The following TAF4 variants were observed in gnomAD, a reference collection of about 807,000 sequenced individuals.
TAF4 encodes TATA-box binding protein associated factor 4.
A neutral mutation model predicts 90.3 loss-of-function variants in TAF4; 9 were observed. The observed-to-expected ratio is 0.10, with a 90% CI of 0.06 to 0.17. TAF4 has a LOEUF of 0.17. TAF4 is among the 10% of genes least tolerant of loss of function. The pLI is 1.00. For missense variants in TAF4, 1,351 were observed against 1,370.7 expected (o/e 0.99, Z 0.23); for synonymous variants, 818 against 638.9 (o/e 1.28, Z -4.23).
At chr20:62,025,213 G>C (rs951108904) in intron 1 of TAF4, among the ~76,000 whole-genome samples, 3 of 152,150 alleles carry the variant, frequency 2.0e-5, no homozygotes, top group Non-Finnish European at 4.4e-5. Flanking sequence ...GCCTTACAAA[G>C]GCTTGTACCT....
chr20:62,025,404 C>T (rs1433510294), intron 1 of TAF4, among the ~76,000 whole-genome samples: 1 of 152,158 alleles, frequency 6.6e-6, no homozygotes, highest in Non-Finnish European at 1.5e-5. Context: ...GAGTTGAAGC[C>T]AGAAAAGAGA....
At chr20:62,056,863 CTTACAG>C (rs1373047661) in intron 1 of TAF4, among the ~76,000 whole-genome samples, 1 of 152,302 alleles carries the variant, frequency 6.6e-6, no homozygotes, top group South Asian at 2.1e-4. Context: ...ATTTTTTACA[CTTACAG>C]TTACATAAAA....
At chr20:62,040,747 C>A (rs370692928) in intron 1 of TAF4, among the ~76,000 whole-genome samples, 2 of 152,222 alleles carry the variant, frequency 1.3e-5, no homozygotes, top group African/African-American at 4.8e-5. Flanking sequence ...AAACTAAATT[C>A]GCAGAGCCGC....
At chr20:62,050,017 C>T (rs866028170) in intron 1 of TAF4, among the ~76,000 whole-genome samples, 4 of 152,166 alleles carry the variant, frequency 2.6e-5, no homozygotes, top group African/African-American at 7.2e-5. Flanking sequence ...CAGCCTCACC[C>T]GCTCACCCCA....
upstream of TAF4, chr20:62,065,881 T>TGGGGCGGGCGC (rs1265181419): frequency 3.9e-6 from 4 of 1,038,242 alleles, no homozygotes; most frequent in Non-Finnish European, 2.3e-6. Flanking sequence ...AGGTTCCGAC[T>TGGGGCGGGCGC]GGGGCGGGCG....
intron 1 of TAF4, among the ~76,000 whole-genome samples, chr20:62,016,610 C>A (rs1454766701): frequency 6.6e-6 from 1 of 152,206 alleles, no homozygotes; most frequent in South Asian, 2.1e-4. Context: ...GCACTGTCGG[C>A]TTCCCTACTT....
At chr20:62,044,862 A>G (rs1850032434) in intron 1 of TAF4, among the ~76,000 whole-genome samples, 1 of 152,224 alleles carries the variant, frequency 6.6e-6, no homozygotes, top group Admixed American at 6.5e-5. Flanking sequence ...GGGAAGAGAC[A>G]GGCCTGGGAC....
Position 61,997,666 on chromosome 20 carries a change from G to T in TAF4, c.2974C>A (p.Gln992Lys). The T allele has an allele frequency of 6.2e-7, 1 of 1,609,878 alleles. No homozygotes were observed. Among genetic ancestry groups the T allele is most frequent in the Non-Finnish European group, 8.5e-7 (1 of 1,178,696 alleles). Residue 992 changes from glutamine to lysine, a missense_variant, in exon 14 of 15, where the codon CAG (glutamine) becomes AAG (lysine). This residue lies in a region of TAF4 where 18 missense variants were observed against 60.0 expected (regional missense o/e 0.30). Transcript: ENST00000252996. Reference protein sequence around the residue: ...LRLKQKAKEMQQQELAQMRQR... With the variant: ...LRLKQKAKEMKQQELAQMRQR... ...CTCATTTGTGCCAGTTCCTGTTGCT[G>T]CATCTTTTATTTTGAAAAGGAGACA...
rs1189964548 is a variant in TAF4 at position 62,012,910 on chromosome 20, G to A, written c.1546C>T (p.Arg516Trp). 6.2e-7 allele frequency: 1 copy of A among 1,614,080 alleles called. No individual in the cohort carries two copies. Among genetic ancestry groups the A allele is most frequent in the East Asian group, 2.2e-5 (1 of 44,866 alleles). ...ATTATGGTAGTTGGGGTCACCTGCCGTGCAATGATAGGTGTTCCAGGTGCC... is the reference window on the plus strand; with the variant it reads ...ATTATGGTAGTTGGGGTCACCTGCCATGCAATGATAGGTGTTCCAGGTGCC... ...VQAPGTPIIA[R>W]QVTPTTIIKQ... Residue 516 changes from arginine to tryptophan, a missense_variant, in exon 3 of 15, where the codon CGG (arginine) becomes TGG (tryptophan). Arg to Trp is a moderately radical substitution (Grantham distance 101). Transcript: ENST00000252996.
intron 1 of TAF4, among the ~76,000 whole-genome samples, chr20:62,041,810 T>C (rs1008121279): frequency 6.0e-5 from 9 of 149,140 alleles, no homozygotes; most frequent in African/African-American, 2.0e-4. Context: ...ACAGTGGCTG[T>C]AGTTGCAGCT....
chr20:61,983,554 T>C (rs1380528806), intron 14 of TAF4, among the ~76,000 whole-genome samples: 2 of 152,126 alleles, frequency 1.3e-5, no homozygotes, highest in South Asian at 2.1e-4. Context: ...CCCAGGCTAC[T>C]GGGGCGGCTG....
Position 62,006,662 on chromosome 20 carries a change from T to TGGTGGCCTGCGA in TAF4, c.2059_2070dup (p.Ser687_Thr690dup). On this transcript the variant is annotated inframe_insertion, in exon 7 of 15. Coordinates refer to ENST00000252996, the MANE Select transcript of TAF4 (RefSeq NM_003185.4). This position sits in a 1 kb window ranked among gnomAD's most constrained non-coding sequence, Gnocchi z 7.0. ...CTCAGCACCACGGCCGTGAGCGCAG[T>TGGTGGCCTGCGA]GGTGGCCTGCGAGGTGGGCGGTGGC... The TGGTGGCCTGCGA allele has an allele frequency of 2.5e-6, 4 of 1,597,502 alleles. No individual in the cohort carries two copies. The highest frequency in any genetic ancestry group is 3.4e-6 in the Non-Finnish European group (4 of 1,169,350).
At chr20:62,032,184 G>A (rs939377740) in intron 1 of TAF4, among the ~76,000 whole-genome samples, 3 of 152,176 alleles carry the variant, frequency 2.0e-5, no homozygotes, top group African/African-American at 7.2e-5. Context: ...CCAGGCCAGC[G>A]GTGGGGGCAG....
chr20:61,990,142 G>A (rs1345421675), intron 14 of TAF4, among the ~76,000 whole-genome samples: 3 of 152,162 alleles, frequency 2.0e-5, no homozygotes, highest in Admixed American at 6.5e-5. Context: ...GGTATCAGCC[G>A]CACGAGCATT....
intron 14 of TAF4, among the ~76,000 whole-genome samples, chr20:61,988,697 A>G (rs1166844357): frequency 2.6e-5 from 4 of 152,182 alleles, no homozygotes; most frequent in African/African-American, 4.8e-5. Flanking sequence ...AAAGTTCACA[A>G]AAGGCAAGCG....
intron 1 of TAF4, among the ~76,000 whole-genome samples, chr20:62,050,614 G>C (rs1281461549): frequency 6.6e-6 from 1 of 152,016 alleles, no homozygotes; most frequent in Non-Finnish European, 1.5e-5. Context: ...AAGGACAAGA[G>C]AGTTCAATAA....
In TAF4 at chr20:62,061,621, G is replaced by A. The variant is rs910930976; in HGVS notation, c.1360+2830C>T. On this transcript the variant is annotated intron_variant, in intron 1 of 14. Transcript: ENST00000252996. ...ACAATTTACCAACATGCTAATGTGG[G>A]TGTCAAATCACCTTTTTCTTCTTTC... Among the ~76,000 whole-genome samples the A allele has an allele frequency of 3.9e-5, 6 of 152,210 alleles. No homozygotes were observed. The South Asian group carries it at 8.3e-4, about 21-fold the overall frequency.
intron 1 of TAF4, among the ~76,000 whole-genome samples, chr20:62,017,148 C>G (rs1450626272): frequency 7.3e-6 from 1 of 137,526 alleles, no homozygotes; most frequent in Non-Finnish European, 1.6e-5. Flanking sequence ...CTCCTAAAAA[C>G]AAAAAAAAAA....
chr20:61,991,264 C>CA (rs1555874026), intron 14 of TAF4, among the ~76,000 whole-genome samples: 5 of 151,216 alleles, frequency 3.3e-5, no homozygotes, highest in African/African-American at 9.7e-5. Context: ...ACTAAAAATA[C>CA]AAAAAAATTA....
Sources: gnomAD v4.1 joint callset for allele counts (sites outside exome capture counted in the v4.1 genomes callset) on GRCh38, gnomAD v4.1.1 for gene constraint, gnomAD v4.1.1 regional missense constraint, Gnocchi (gnomAD v3.1) non-coding constraint, MANE v1.5 for transcripts, NCBI Gene and HGNC (gene_info 2026-07-23, HGNC 2026-07-21) for gene names.